The following LINGO2 variants were observed in gnomAD, a reference collection of about 807,000 sequenced individuals.
The protein encoded by LINGO2 is leucine rich repeat and Ig domain containing 2, also known as leucine-rich repeat and immunoglobulin-like domain-containing nogo receptor-interacting protein 2.
A neutral mutation model predicts 30.6 loss-of-function variants in LINGO2; 14 were observed. The ratio of observed to expected loss-of-function variants is 0.46; its 90% confidence interval spans 0.30 to 0.72. LINGO2 has a LOEUF of 0.72. Among genes scored for constraint, LINGO2 ranks in the 30% least tolerant of loss-of-function variants. LINGO2 has a pLI of 0.07. For synonymous variants in LINGO2, 317 were observed against 288.5 expected, an observed-to-expected ratio of 1.10 and a Z score of -1.00; for missense variants, 729 against 751.7, an observed-to-expected ratio of 0.97 and a Z score of 0.35.
At chr9:28,496,190 G>A (rs373966558) in intron 1 of LINGO2, among the ~76,000 whole-genome samples, 1 of 152,092 alleles carries the variant, frequency 6.6e-6, no homozygotes, top group East Asian at 1.9e-4. Flanking sequence ...TTGGTGCAGA[G>A]CTGAGTTCAA....
At chr9:28,772,762 A>T in the LINGO2 span, among the ~76,000 whole-genome samples, 2 of 152,320 alleles carry the variant, frequency 1.3e-5, no homozygotes, top group East Asian at 3.9e-4. Context: ...AAAAAAGTTA[A>T]CTTTAAAACT....
chr9:28,029,282 G>A (rs536598210), intron 4 of LINGO2, among the ~76,000 whole-genome samples: 22 of 152,266 alleles, frequency 1.4e-4, no homozygotes, highest in African/African-American at 3.6e-4. Context: ...CCACAGGATC[G>A]TTTCTTGGGA....
the LINGO2 span, among the ~76,000 whole-genome samples, chr9:28,787,429 G>T: frequency 1.3e-5 from 2 of 152,086 alleles, no homozygotes; most frequent in Non-Finnish European, 2.9e-5. Flanking sequence ...GTGGCATCTT[G>T]TAGGATAAAT....
intron 4 of LINGO2, among the ~76,000 whole-genome samples, chr9:28,248,296 C>T (rs1822074585): frequency 6.6e-6 from 1 of 152,122 alleles, no homozygotes; most frequent in Non-Finnish European, 1.5e-5. Context: ...GAGAGTCTGT[C>T]ATTTGCAACA....
At chr9:28,249,847 C>T (rs893463581) in intron 4 of LINGO2, among the ~76,000 whole-genome samples, 2 of 152,020 alleles carry the variant, frequency 1.3e-5, no homozygotes, top group African/African-American at 4.8e-5. Flanking sequence ...TAAATTCTTC[C>T]TTGAAGTGAT....
the LINGO2 span, among the ~76,000 whole-genome samples, chr9:29,192,386 C>G: frequency 6.6e-6 from 1 of 152,104 alleles, no homozygotes; most frequent in Non-Finnish European, 1.5e-5. Flanking sequence ...TTTTGTAAAG[C>G]TCAACACTAC....
chr9:28,587,434 G>C (rs922779619), intron 1 of LINGO2, among the ~76,000 whole-genome samples: 1 of 151,928 alleles, frequency 6.6e-6, no homozygotes, highest in African/African-American at 2.4e-5. Context: ...CTTGCTCAAT[G>C]GTCCCATTCA....
chr9:27,989,108 A>G (rs1821265852), intron 5 of LINGO2, among the ~76,000 whole-genome samples: 1 of 151,858 alleles, frequency 6.6e-6, no homozygotes, highest in Non-Finnish European at 1.5e-5. Flanking sequence ...AAACTTGTCC[A>G]AATCTTCTCC....
the LINGO2 span, among the ~76,000 whole-genome samples, chr9:28,727,927 A>C: frequency 6.6e-6 from 1 of 152,128 alleles, no homozygotes; most frequent in African/African-American, 2.4e-5. Flanking sequence ...GCTGTCTTGA[A>C]GTTCTCTCAA....
At chr9:28,033,968 TAAG>T (rs1008522008) in intron 4 of LINGO2, among the ~76,000 whole-genome samples, 1 of 152,194 alleles carries the variant, frequency 6.6e-6, no homozygotes, top group African/African-American at 2.4e-5. Flanking sequence ...TCACCTTCTC[TAAG>T]AAGGGGCTGT....
In LINGO2 at chr9:28,479,902, TATAC is replaced by T. The variant is rs1185848924; in HGVS notation, c.-364-3881_-364-3878del. Among the ~76,000 whole-genome samples the T allele has an allele frequency of 2.5e-3, 289 of 113,558 alleles. 1 individual carries two copies. Among genetic ancestry groups the T allele is most frequent in the Admixed American group, 4.1e-3 (42 of 10,162 alleles). 74.5% of individuals were successfully genotyped at this position (113,558 alleles called of 152,430 possible). On this transcript the variant is annotated intron_variant, in intron 1 of 5. Coordinates refer to ENST00000379992, the Ensembl canonical transcript of LINGO2. The stretch of plus-strand genomic sequence containing the variant: ...GTGTGTGTATGTGTGTATGTGTATA[TATAC>T]GTAGGTATATATATATATATATATA...
chr9:28,625,103 C>T (rs1394835002), intron 1 of LINGO2, among the ~76,000 whole-genome samples: 2 of 151,980 alleles, frequency 1.3e-5, no homozygotes, highest in African/African-American at 4.8e-5. Context: ...GTATCTAGGA[C>T]CCCAGAGCCC....
chr9:29,007,442 A>G, the LINGO2 span, among the ~76,000 whole-genome samples: 56 of 152,092 alleles, frequency 3.7e-4, no homozygotes, highest in African/African-American at 1.3e-3. Context: ...TGTATTTATA[A>G]TGGAAGATGG....
chr9:28,446,434 T>C (rs1824427437), intron 2 of LINGO2, among the ~76,000 whole-genome samples: 1 of 152,210 alleles, frequency 6.6e-6, no homozygotes, highest in African/African-American at 2.4e-5. Flanking sequence ...AAGGTCCAAA[T>C]CCCTAACATT....
intron 4 of LINGO2, among the ~76,000 whole-genome samples, chr9:28,169,143 G>A (rs1423580584): frequency 6.6e-6 from 1 of 152,122 alleles, no homozygotes; most frequent in Non-Finnish European, 1.5e-5. Flanking sequence ...TAAAAGGTGT[G>A]GAGACTTTTA....
chr9:29,109,511 C>T, the LINGO2 span, among the ~76,000 whole-genome samples: 3 of 152,046 alleles, frequency 2.0e-5, no homozygotes, highest in Non-Finnish European at 4.4e-5. Context: ...AGGAGGTTTG[C>T]GTAAGTATAA....
intron 3 of LINGO2, among the ~76,000 whole-genome samples, chr9:28,321,630 A>G (rs1203861383): frequency 2.0e-5 from 3 of 152,228 alleles, no homozygotes; most frequent in Non-Finnish European, 2.9e-5. Context: ...ATTTCAAAGC[A>G]GAGAAGTGCT....
chr9:28,282,549 A>C lies in LINGO2; in HGVS notation c.-87+12659T>G, dbSNP rs182315295. ...TATGTTTTCATTCTGCTGCAAGTTC[A>C]TGCCAGGAGAAAATATTATTTTTCA... is the stretch of plus-strand genomic sequence containing the variant. On this transcript the variant is annotated intron_variant, in intron 4 of 5. Transcript: ENST00000379992. 8.5e-5 allele frequency among the ~76,000 whole-genome samples: 13 copies of C among 152,156 alleles called. No individual in the cohort carries two copies. The East Asian group carries it at 1.2e-3, about 14-fold the overall frequency.
the LINGO2 span, among the ~76,000 whole-genome samples, chr9:28,709,053 G>C: frequency 6.6e-6 from 1 of 152,024 alleles, no homozygotes; most frequent in African/African-American, 2.4e-5. Context: ...GTCCTCAAGG[G>C]TTCTAACACA....
Sources: gnomAD v4.1 joint callset for allele counts (sites outside exome capture counted in the v4.1 genomes callset) on GRCh38, gnomAD v4.1.1 for gene constraint, MANE v1.5 for transcripts, NCBI Gene and HGNC (gene_info 2026-07-23, HGNC 2026-07-21) for gene names.